The following PTPN14 variants were observed in gnomAD, a reference collection of about 807,000 sequenced individuals.
The protein encoded by PTPN14 is protein tyrosine phosphatase non-receptor type 14.
PTPN14 carries 53 observed loss-of-function variants against 126.8 expected under a neutral mutation model. The ratio of observed to expected loss-of-function variants is 0.42; its 90% CI spans 0.34 to 0.53. The LOEUF (loss-of-function observed/expected upper bound fraction) is 0.53, where lower values mean the gene tolerates loss of function less well. PTPN14 is among the 20% of genes least tolerant of loss of function. The pLI is 0.08. For missense variants in PTPN14, 1,257 were observed against 1,552.9 expected, an observed-to-expected ratio of 0.81 and a Z score of 3.20; for synonymous variants, 630 against 599.3, an observed-to-expected ratio of 1.05 and a Z score of -0.75.
rs534753579 is a variant in PTPN14, at chr1:214,399,228, A to G, written c.670-1227T>C. On this transcript the variant is annotated intron_variant, in intron 7 of 18. Coordinates refer to ENST00000366956, the MANE Select transcript of PTPN14 (RefSeq NM_005401.5). ...ATGAGTAGAATAAATCATAGACAAC[A>G]TCACAGCAATAAGGTGACCAGCTGT... Among the ~76,000 whole-genome samples, 3 of 152,338 alleles carry G rather than the reference A, an allele frequency of 2.0e-5. No individual in the cohort carries two copies. In the East Asian group the frequency reaches 5.8e-4, roughly 29 times the overall value.
At position 214,495,711 on chromosome 1, in the gene PTPN14, C is replaced by T. The variant is rs181832556; in HGVS notation, c.-154-30754G>A. ...TATTTATTTATTTATTTATTTACTTCGCAACGGAAATTCGCTCTTGTTGCC... is the reference window on the plus strand; with the variant it reads ...TATTTATTTATTTATTTATTTACTTTGCAACGGAAATTCGCTCTTGTTGCC... On this transcript the variant is annotated intron_variant, in intron 1 of 18. Coordinates refer to ENST00000366956, the MANE Select transcript of PTPN14 (RefSeq NM_005401.5). 1.6e-3 allele frequency among the ~76,000 whole-genome samples: 234 copies of T among 150,746 alleles called. 1 individual carries two copies. Among genetic ancestry groups the T allele is most frequent in the African/African-American group, 5.4e-3 (222 of 41,044 alleles).
chr1:214,422,108 A>G (rs1214801211), intron 3 of PTPN14, among the ~76,000 whole-genome samples: 1 of 152,146 alleles, frequency 6.6e-6, no homozygotes, highest in Non-Finnish European at 1.5e-5. Flanking sequence ...ATCACCTCCT[A>G]GCAAAGCTAT....
chr1:214,502,867 G>A (rs1044458391), intron 1 of PTPN14, among the ~76,000 whole-genome samples: 2 of 152,168 alleles, frequency 1.3e-5, no homozygotes, highest in African/African-American at 4.8e-5. Flanking sequence ...ATTTGCATAG[G>A]ATGTATTCAG....
chr1:214,503,160 T>C (rs1053350659), intron 1 of PTPN14, among the ~76,000 whole-genome samples: 1 of 152,164 alleles, frequency 6.6e-6, no homozygotes, highest in Non-Finnish European at 1.5e-5. Context: ...TTGTTAAAAA[T>C]AAGCAATAAC....
chr1:214,512,545 G>A (rs750019398), intron 1 of PTPN14, among the ~76,000 whole-genome samples: 19 of 152,108 alleles, frequency 1.2e-4, no homozygotes, highest in Non-Finnish European at 2.2e-4. Flanking sequence ...CAGGGGCTGA[G>A]GGCAGGAGAA....
intron 2 of PTPN14, among the ~76,000 whole-genome samples, chr1:214,457,825 T>G (rs1660416064): frequency 6.6e-6 from 1 of 152,214 alleles, no homozygotes; most frequent in Admixed American, 6.5e-5. Context: ...CTTCAAAATC[T>G]GATGTGTTTT....
chr1:214,509,339 C>G (rs936767061), intron 1 of PTPN14, among the ~76,000 whole-genome samples: 1 of 152,220 alleles, frequency 6.6e-6, no homozygotes, highest in African/African-American at 2.4e-5. Context: ...GTTATGGAAA[C>G]AGCTTCTTTC....
At chr1:214,501,530 C>A (rs551421910) in intron 1 of PTPN14, among the ~76,000 whole-genome samples, 1 of 152,212 alleles carries the variant, frequency 6.6e-6, no homozygotes, top group South Asian at 2.1e-4. Context: ...GCATGAATGA[C>A]CACGCCCAGC....
At chr1:214,398,613 A>ATTTTTTTTTT (rs56339386) in intron 7 of PTPN14, among the ~76,000 whole-genome samples, 13 of 108,900 alleles carry the variant, frequency 1.2e-4, no homozygotes, top group African/African-American at 4.2e-4. Context: ...TGCCCTGCTA[A>ATTTTTTTTTT]TTTTTTTTTT....
At chr1:214,531,021 T>A (rs1025511998) in intron 1 of PTPN14, 3 of 152,160 alleles carry the variant, frequency 2.0e-5, no homozygotes, top group Non-Finnish European at 4.4e-5. Flanking sequence ...AACGGGTCCT[T>A]ACCTTTCAAA....
chr1:214,465,380 C>T (rs898119798), intron 1 of PTPN14, among the ~76,000 whole-genome samples: 2 of 152,020 alleles, frequency 1.3e-5, no homozygotes, highest in Admixed American at 6.5e-5. Context: ...GAGGTTGAGG[C>T]GGAAGGATTA....
rs192944924 is a variant in PTPN14 at position 214,394,605 on chromosome 1, G to A, written c.846+294C>T. Among the ~76,000 whole-genome samples, 1,271 of 152,084 alleles carry A rather than the reference G, an allele frequency of 8.4e-3. 14 individuals are homozygous for A. The highest frequency in any genetic ancestry group is 0.028 in the African/African-American group (1,146 of 41,472). ...GTATTTTTAGTAGAGATGGGGTTTC[G>A]CCATATTGGCCAGGCTGGTCTCAAA... On this transcript the variant is annotated intron_variant, in intron 9 of 18. Transcript: ENST00000366956.
chr1:214,504,765 C>T (rs1214659823), intron 1 of PTPN14, among the ~76,000 whole-genome samples: 1 of 152,062 alleles, frequency 6.6e-6, no homozygotes, highest in Non-Finnish European at 1.5e-5. Context: ...GGGCTGGGTA[C>T]AGAATGCTGG....
intron 3 of PTPN14, among the ~76,000 whole-genome samples, chr1:214,439,209 A>G (rs1659984511): frequency 6.6e-6 from 1 of 152,224 alleles, no homozygotes; most frequent in Non-Finnish European, 1.5e-5. Flanking sequence ...GCAGATACAT[A>G]ACTTGCTTCA....
In PTPN14 at chr1:214,359,680, C is replaced by T. The variant is rs536029137; in HGVS notation, c.3436-1630G>A. 1.2e-4 allele frequency among the ~76,000 whole-genome samples: 19 copies of T among 152,052 alleles called. 1 individual carries two copies. Among genetic ancestry groups the T allele is most frequent in the African/African-American group, 2.7e-4 (11 of 41,472 alleles). On this transcript the variant is annotated intron_variant, in intron 18 of 18. Coordinates refer to ENST00000366956, the MANE Select transcript of PTPN14 (RefSeq NM_005401.5). ...AACTACAGATGCACACCACCACACCCGGCTAACTTTTAAAATTTTGTGTAG... is the reference window on the plus strand; with the variant it reads ...AACTACAGATGCACACCACCACACCTGGCTAACTTTTAAAATTTTGTGTAG...
chr1:214,405,510 G>A (rs1007648781), intron 5 of PTPN14, among the ~76,000 whole-genome samples: 10 of 151,656 alleles, frequency 6.6e-5, no homozygotes, highest in Non-Finnish European at 1.3e-4. Flanking sequence ...TATGCGACAT[G>A]TAAATTTCAT....
At position 214,437,017 on chromosome 1, in the gene PTPN14, T is replaced by C. The variant is rs1048008364; in HGVS notation, c.344+14788A>G. On this transcript the variant is annotated intron_variant, in intron 3 of 18. Transcript: ENST00000366956. ...AGAACCAAGCCTCTCTGTATTTTTT[T>C]TTTTTTTTACTTAAATATAGTGTAC... Among the ~76,000 whole-genome samples the C allele has an allele frequency of 5.3e-5, 8 of 152,024 alleles. No individual in the cohort carries two copies. The East Asian group carries it at 1.5e-3, about 29-fold the overall frequency.
chr1:214,412,953 T>C (rs1659342481), intron 4 of PTPN14, among the ~76,000 whole-genome samples: 1 of 152,210 alleles, frequency 6.6e-6, no homozygotes, highest in African/African-American at 2.4e-5. Context: ...CACTGCAGCC[T>C]CAAACTCCTG....
intron 1 of PTPN14, among the ~76,000 whole-genome samples, chr1:214,494,097 G>A (rs1661308094): frequency 6.6e-6 from 1 of 151,836 alleles, no homozygotes; most frequent in South Asian, 2.1e-4. Flanking sequence ...TTGAGACAGA[G>A]TCTCGCACTG....
Sources: gnomAD v4.1 joint callset for allele counts (sites outside exome capture counted in the v4.1 genomes callset) on GRCh38, gnomAD v4.1.1 for gene constraint, MANE v1.5 for transcripts, NCBI Gene and HGNC (gene_info 2026-07-23, HGNC 2026-07-21) for gene names.